TCOF1: variants seen among roughly 807,000 people sequenced by gnomAD.
The protein encoded by TCOF1 is treacle protein.
Under a neutral mutation model 149.0 loss-of-function variants are expected in TCOF1, and 33 were observed. That is an observed-to-expected ratio of 0.22 (90% CI 0.17 to 0.30). The LOEUF is 0.30. Among genes scored for constraint, TCOF1 ranks in the 10% least tolerant of loss-of-function variants. The probability of loss-of-function intolerance (pLI) is 1.00; values close to 1 mark genes in which losing one functional copy is unlikely to be tolerated. For missense variants in TCOF1, 1,728 were observed against 1,840.7 expected (o/e 0.94, Z 1.12); for synonymous variants, 789 against 738.8 (o/e 1.07, Z -1.10).
At position 150,377,862 on chromosome 5, in the gene TCOF1, G is replaced by GT. The variant is rs543765027; in HGVS notation, c.2341-1040dup. Among the ~76,000 whole-genome samples the GT allele has an allele frequency of 9.1e-4, 139 of 152,292 alleles. 3 individuals are homozygous for GT. In the South Asian group the frequency reaches 0.011, roughly 12 times the overall value. On this transcript the variant is annotated intron_variant, in intron 14 of 26. Transcript: ENST00000643257. ...ACCATGGGCTATTTTGAAGTAAGCC[G>GT]TTTAATTTCCAAATATCTGGGATTA...
At chr5:150,361,822 T>A (rs996234587) in intron 2 of TCOF1, among the ~76,000 whole-genome samples, 1 of 152,172 alleles carries the variant, frequency 6.6e-6, no homozygotes, top group African/African-American at 2.4e-5. Flanking sequence ...AAATTGCTAA[T>A]GCTAAGTCCT....
Position 150,384,625 on chromosome 5 carries a change from C to G in TCOF1, c.2860-3277C>G, listed in dbSNP as rs185070399. On this transcript the variant is annotated intron_variant, in intron 17 of 26. Transcript: ENST00000643257. ...GACTAACACAATTAAAATGAACATC[C>G]TGCTTAAACTGAACCATTTAATTGG... 23 of 985,478 alleles carry G rather than the reference C, an allele frequency of 2.3e-5. No individual in the cohort carries two copies. In the Admixed American group the frequency reaches 3.1e-4, roughly 13 times the overall value. The allele number at this position is 985,478 out of a possible 1,614,324, so 61.0% of individuals were successfully genotyped here.
intron 24 of TCOF1, among the ~76,000 whole-genome samples, chr5:150,397,480 GC>G (rs1768821698): frequency 6.6e-6 from 1 of 152,170 alleles, no homozygotes; most frequent in Admixed American, 6.5e-5. Context: ...GACTCCGCAT[GC>G]AGCAGGACCT....
At position 150,399,071 on chromosome 5, in the gene TCOF1, G is replaced by A; in HGVS notation, c.*22+1G>A. The A allele has an allele frequency of 1.2e-6, 2 of 1,614,244 alleles. No individual in the cohort carries two copies. The highest frequency in any genetic ancestry group is 1.7e-6 in the Non-Finnish European group (2 of 1,180,038). On this transcript the variant is annotated splice_donor_variant, in intron 26 of 26. Coordinates refer to ENST00000643257, the MANE Select transcript of TCOF1 (RefSeq NM_001371623.1). LOFTEE classifies it low-confidence loss of function (3UTR_SPLICE). ...TGACGAGCACCAGCACCAGGCACAGGTACGCTTCCCAATCATTCCTGAGCA... is the reference window on the plus strand; with the variant it reads ...TGACGAGCACCAGCACCAGGCACAGATACGCTTCCCAATCATTCCTGAGCA...
rs917891985 is a variant in TCOF1 at position 150,376,212 on chromosome 5, C to T, written c.2024C>T (p.Pro675Leu). 1 of 1,614,102 alleles carries T rather than the reference C, an allele frequency of 6.2e-7. No individual in the cohort carries two copies. Among genetic ancestry groups the T allele is most frequent in the African/African-American group, 1.3e-5 (1 of 74,952 alleles). The stretch of plus-strand genomic sequence containing the variant: ...CGGAAAGCAGGAACTGCGACTTCTC[C>T]AGCAGGCTCATCCCCAGCTGTGGCT... ...APRKAGTATS[P>L]AGSSPAVAGG... is the part of the protein sequence containing the mutation. The change falls in exon 13 of 27, where the codon CCA becomes CTA. Residue 675 changes from proline to leucine, a missense_variant. Physicochemically the swap from Pro to Leu is moderately conservative, Grantham distance 98. This residue lies in a region of TCOF1 where 1,696 missense variants were observed against 1,765.4 expected (regional missense o/e 0.96). Transcript: ENST00000643257.
intron 6 of TCOF1, among the ~76,000 whole-genome samples, chr5:150,370,200 G>C (rs1208189896): frequency 6.6e-6 from 1 of 152,206 alleles, no homozygotes; most frequent in Non-Finnish European, 1.5e-5. Flanking sequence ...CTGCCATGGG[G>C]CAAGGGAGCG....
In TCOF1 at chr5:150,368,883, T is replaced by C; in HGVS notation, c.546T>C (p.Phe182=). 6.2e-7 allele frequency: 1 copy of C among 1,613,728 alleles called. No homozygotes were observed. The highest frequency in any genetic ancestry group is 1.1e-5 in the South Asian group (1 of 91,084). The change falls in exon 5 of 27, where the codon TTT becomes TTC. Residue 182 remains phenylalanine (F), a synonymous_variant. Transcript: ENST00000643257. ...ETEEEGSVPA[F]GAAAKPGMVS... Reference sequence around the variant, plus strand: ...AGGAGGAGGGCAGCGTCCCGGCCTTTGGAGCTGCTGCCAAGCCTGGTAAGA... The same window carrying C: ...AGGAGGAGGGCAGCGTCCCGGCCTTCGGAGCTGCTGCCAAGCCTGGTAAGA...
At position 150,383,129 on chromosome 5, in the gene TCOF1, A is replaced by AG. The variant is rs1388656374; in HGVS notation, c.2859+3401dup. ...CCAGCACCCCCAGAGAGGAACACGGAGGGGTCCTCGGAGAGCAGTGAGGAA... is the reference window on the plus strand; with the variant it reads ...CCAGCACCCCCAGAGAGGAACACGGAGGGGGTCCTCGGAGAGCAGTGAGGAA... On this transcript the variant is annotated intron_variant, in intron 17 of 26. Coordinates refer to ENST00000643257, the MANE Select transcript of TCOF1 (RefSeq NM_001371623.1). The AG allele has an allele frequency of 1.8e-5, 27 of 1,536,048 alleles. No individual in the cohort carries two copies. The East Asian group carries it at 6.4e-4, about 36-fold the overall frequency.
chr5:150,398,891 C>T (rs960576837), intron 25 of TCOF1, 131 bp from the exon 26 acceptor site: 10 of 1,281,898 alleles, frequency 7.8e-6, no homozygotes, highest in Non-Finnish European at 1.1e-5. Flanking sequence ...ATCTGTTTGC[C>T]TCTGCCCTTG....
chr5:150,379,772 C>T, intron 17 of TCOF1, 40 bp downstream of exon 17: 3 of 1,604,330 alleles, frequency 1.9e-6, no homozygotes, highest in Non-Finnish European at 2.6e-6. Flanking sequence ...ACACTCACTC[C>T]TCAGAACGGG....
At chr5:150,367,177 C>T (rs1226460591) in intron 3 of TCOF1, among the ~76,000 whole-genome samples, 2 of 151,956 alleles carry the variant, frequency 1.3e-5, no homozygotes, top group Non-Finnish European at 2.9e-5. Context: ...TGGTGGTGGA[C>T]GTCTGTAGTC....
At chr5:150,366,821 A>ATT (rs1190098222) in intron 3 of TCOF1, among the ~76,000 whole-genome samples, 1 of 54,736 alleles carries the variant, frequency 1.8e-5, no homozygotes, top group Admixed American at 1.4e-4. Context: ...CGCCCGGCTA[A>ATT]TTTTTTGTAT....
At chr5:150,375,306 T>G in intron 10 of TCOF1, 33 bp from the exon 11 acceptor site, 1 of 1,606,920 alleles carries the variant, frequency 6.2e-7, no homozygotes, top group East Asian at 2.2e-5. Context: ...CCTTCTGGAC[T>G]CCCTCCCTAA....
chr5:150,374,651 C>A lies in TCOF1; in HGVS notation c.1118C>A (p.Ala373Asp). The change falls in exon 9 of 27, where the codon GCT becomes GAT. Residue 373 changes from alanine to aspartate, a missense_variant. Physicochemically the swap from Ala to Asp is moderately radical, Grantham distance 126. Around this residue, in one of 2 missense-constraint regions of TCOF1, gnomAD observed 1,696 missense variants for 1,765.4 expected, o/e 0.96. Transcript: ENST00000643257. ...KASGKTSQVGAASAPAKESPR... is the reference protein window; with the variant it reads ...KASGKTSQVGDASAPAKESPR... The stretch of plus-strand genomic sequence containing the variant: ...TCAGGAAAAACCTCTCAGGTCGGAG[C>A]TGCCTCAGCCCCTGCCAAGGAGTCC... The A allele has an allele frequency of 6.2e-7, 1 of 1,613,786 alleles. No individual in the cohort carries two copies. Among genetic ancestry groups the A allele is most frequent in the Non-Finnish European group, 8.5e-7 (1 of 1,179,980 alleles).
intron 14 of TCOF1, among the ~76,000 whole-genome samples, chr5:150,377,693 C>T (rs371128516): frequency 3.3e-5 from 5 of 152,082 alleles, no homozygotes; most frequent in South Asian, 2.1e-4. Context: ...CTTCCAGAGC[C>T]GCCTCTACTC....
At chr5:150,396,020 G>A (rs1319518124) in intron 23 of TCOF1, among the ~76,000 whole-genome samples, 3 of 152,022 alleles carry the variant, frequency 2.0e-5, no homozygotes, top group African/African-American at 4.8e-5. Context: ...GTCATTTTCT[G>A]TCCCCCACCC....
At chr5:150,362,444 AG>A (rs1760344492) in intron 2 of TCOF1, among the ~76,000 whole-genome samples, 1 of 152,156 alleles carries the variant, frequency 6.6e-6, no homozygotes, top group South Asian at 2.1e-4. Flanking sequence ...GAGGGGTGTG[AG>A]GGACCACTGC....
At position 150,357,867 on chromosome 5, in the gene TCOF1, G is replaced by A. The variant is rs1394496133; in HGVS notation, c.108+13G>A. On this transcript the variant is annotated intron_variant, in intron 1 of 26. Transcript: ENST00000643257. ...GCAGAGCGGCCAGGTAAGCGTTCGT[G>A]GGCCGTGTGCGAGGGCCGCGTGCAA... is the stretch of plus-strand genomic sequence containing the variant. The A allele has an allele frequency of 6.5e-7, 1 of 1,548,526 alleles. No individual in the cohort carries two copies. The highest frequency in any genetic ancestry group is 2.0e-5 in the Admixed American group (1 of 50,968).
intron 4 of TCOF1, 60 bp downstream of exon 4, chr5:150,367,977 A>T: frequency 1.3e-6 from 2 of 1,579,270 alleles, no homozygotes; most frequent in Non-Finnish European, 1.7e-6. Context: ...GGTAGGGGAC[A>T]GTCTTACATG....
Sources: gnomAD v4.1 joint callset for allele counts (sites outside exome capture counted in the v4.1 genomes callset) on GRCh38, gnomAD v4.1.1 for gene constraint, gnomAD v4.1.1 regional missense constraint, MANE v1.5 for transcripts, NCBI Gene and HGNC (gene_info 2026-07-23, HGNC 2026-07-21) for gene names.